Variants in CELA2B observed in about 807,000 individuals in gnomAD.
CELA2B encodes the protein chymotrypsin like elastase 2B.
CELA2B carries 27 observed loss-of-function variants against 36.5 expected under a neutral mutation model. The observed-to-expected ratio is 0.74, with a 90% CI of 0.55 to 1.02. The LOEUF (loss-of-function observed/expected upper bound fraction) is 1.02. Ranked by LOEUF, CELA2B falls within the 50% of genes least tolerant of loss-of-function variation. CELA2B has a pLI of 0.00. For missense variants in CELA2B, 340 were observed against 347.8 expected (o/e 0.98, Z 0.18); for synonymous variants, 143 against 148.5 (o/e 0.96, Z 0.27).
In CELA2B at chr1:15,488,988, T is replaced by C. The variant is rs1313373060; in HGVS notation, c.792+1551T>C. Among the ~76,000 whole-genome samples the C allele has an allele frequency of 2.0e-5, 3 of 152,184 alleles. No homozygotes were observed. In the East Asian group the frequency reaches 5.8e-4, roughly 29 times the overall value. ...AAGACAGTAGCCATTAATCATTAAT[T>C]GGGGCTTTTTATATCTAAATTGGGA... On this transcript the variant is annotated intron_variant, in intron 7 of 7. Transcript: ENST00000375910.
chr1:15,486,106 G>T (rs1708801563), intron 6 of CELA2B, 60 bp downstream of exon 6: 1 of 1,586,100 alleles, frequency 6.3e-7, no homozygotes. Flanking sequence ...GATGGGAAGA[G>T]GCTATGGAAA....
intron 1 of CELA2B, 79 bp downstream of exon 1, chr1:15,476,244 C>T (rs1220188492): frequency 1.8e-5 from 29 of 1,590,850 alleles, no homozygotes; most frequent in Middle Eastern, 1.8e-4. Context: ...CCTCCCCTCT[C>T]GCCCCCACCC....
intron 5 of CELA2B, among the ~76,000 whole-genome samples, chr1:15,485,443 T>C (rs879564735): frequency 7.9e-5 from 12 of 152,144 alleles, no homozygotes; most frequent in Non-Finnish European, 1.8e-4. Flanking sequence ...GTTATAAGGA[T>C]TTAAAAGTTT....
chr1:15,481,683 C>G lies in CELA2B; in HGVS notation c.227+488C>G, dbSNP rs561304252. The G allele has an allele frequency of 4.7e-5, 22 of 471,398 alleles. 1 individual carries two copies. Among genetic ancestry groups the G allele is most frequent in the South Asian group, 3.4e-4 (22 of 64,544 alleles). 29.2% of individuals were successfully genotyped at this position (471,398 alleles called of 1,614,324 possible). On this transcript the variant is annotated intron_variant, in intron 3 of 7. Coordinates refer to ENST00000375910, the MANE Select transcript of CELA2B (RefSeq NM_015849.3). Reference sequence around the variant, plus strand: ...GCCCACAAGGTTCTGCAACGTTGTTCACTTATCCTCTTCTTTGTCCGTGAC... The same window carrying G: ...GCCCACAAGGTTCTGCAACGTTGTTGACTTATCCTCTTCTTTGTCCGTGAC...
chr1:15,484,003 G>A (rs1043249469), intron 5 of CELA2B, among the ~76,000 whole-genome samples: 2 of 152,086 alleles, frequency 1.3e-5, no homozygotes, highest in African/African-American at 4.8e-5. Context: ...TAATCCACAG[G>A]AAGCCTGGCA....
chr1:15,487,431 C>G lies in CELA2B; in HGVS notation c.786C>G (p.Ile262Met). ...FTRVSNYNDWINSVIANN is the reference protein window; with the variant it reads ...FTRVSNYNDWMNSVIANN ...GGGTCTCCAACTACAACGACTGGAT[C>G]AATTCGGTAAGAACCGGAGCAGCCC... The change falls in exon 7 of 8, where the codon ATC becomes ATG. Residue 262 changes from isoleucine (I) to methionine (M), a missense_variant. Transcript: ENST00000375910. 15 of 1,614,242 alleles carry G rather than the reference C, an allele frequency of 9.3e-6. No homozygotes were observed. The highest frequency in any genetic ancestry group is 1.3e-5 in the Non-Finnish European group (15 of 1,180,044).
In CELA2B at chr1:15,487,311, T is replaced by C; in HGVS notation, c.666T>C (p.Cys222=). Residue 222 remains cysteine, a synonymous_variant, in exon 7 of 8, where the codon TGT becomes TGC. Coordinates refer to ENST00000375910, the MANE Select transcript of CELA2B (RefSeq NM_015849.3). ...GAGACTCCGGTGGGCCGCTGAACTG[T>C]CAGGCATCTGACGGCCGGTGGGAGG... ...CNGDSGGPLN[C]QASDGRWEVH... is the part of the protein sequence containing the mutation. 1 of 1,614,250 alleles carries C rather than the reference T, an allele frequency of 6.2e-7. No individual in the cohort carries two copies. The highest frequency in any genetic ancestry group is 8.5e-7 in the Non-Finnish European group (1 of 1,180,034).
chr1:15,476,429 G>C (rs765294081), intron 1 of CELA2B, 28 bp from the exon 2 acceptor site: 1 of 1,608,526 alleles, frequency 6.2e-7, no homozygotes, highest in Non-Finnish European at 8.5e-7. Flanking sequence ...GCTGCTTCCT[G>C]GACTCAAGAC....
chr1:15,489,907 T>C (rs1399436432), intron 7 of CELA2B, among the ~76,000 whole-genome samples: 1 of 152,104 alleles, frequency 6.6e-6, no homozygotes, highest in African/African-American at 2.4e-5. Context: ...GGAGTCTCGC[T>C]CTGTTGCACA....
In CELA2B at chr1:15,483,419, C is replaced by T. The variant is rs1708767009; in HGVS notation, c.493+19C>T. The stretch of plus-strand genomic sequence containing the variant: ...CTGCAGAGTAAGTGGGAGCCAGGAG[C>T]CCCCAGGCCTGGGAGGGAAGGGAGG... On this transcript the variant is annotated intron_variant, in intron 5 of 7. Transcript: ENST00000375910. The T allele has an allele frequency of 3.7e-6, 6 of 1,612,928 alleles. No homozygotes were observed. Among genetic ancestry groups the T allele is most frequent in the Non-Finnish European group, 5.1e-6 (6 of 1,179,274 alleles).
rs1708861183 is a variant in CELA2B, at chr1:15,490,219, C to CCT, written c.793-1076_793-1075insCT. On this transcript the variant is annotated intron_variant, in intron 7 of 7. Transcript: ENST00000375910. ...TGTGTGGTCTTCTCAACTTTATGTG[C>CCT]ATATCTATCTATCTATCTATCTATC... Among the ~76,000 whole-genome samples, 4 of 117,628 alleles carry CCT rather than the reference C, an allele frequency of 3.4e-5. No homozygotes were observed. In the South Asian group the frequency reaches 8.6e-4, roughly 25 times the overall value. The allele number at this position is 117,628 out of a possible 152,430, so 77.2% of individuals were successfully genotyped here.
Position 15,487,446 on chromosome 1 carries a change from C to T in CELA2B, c.792+9C>T, listed in dbSNP as rs537674607. 66 of 1,614,126 alleles carry T rather than the reference C, an allele frequency of 4.1e-5. No individual in the cohort carries two copies. Among genetic ancestry groups the T allele is most frequent in the East Asian group, 4.5e-5 (2 of 44,882 alleles). On this transcript the variant is annotated intron_variant, in intron 7 of 7. Transcript: ENST00000375910. The stretch of plus-strand genomic sequence containing the variant: ...ACGACTGGATCAATTCGGTAAGAAC[C>T]GGAGCAGCCCTGAGCCCCAAGGCAC...
chr1:15,481,632 T>C (rs1708742794), intron 3 of CELA2B: 1 of 474,900 alleles, frequency 2.1e-6, no homozygotes, highest in Non-Finnish European at 4.4e-6. Context: ...TGAAAGCTAA[T>C]TCTGAATTGC....
At chr1:15,486,692 T>C (rs982407213) in intron 6 of CELA2B, among the ~76,000 whole-genome samples, 12 of 152,224 alleles carry the variant, frequency 7.9e-5, no homozygotes, top group African/African-American at 2.9e-4. Flanking sequence ...GGTTTTTCTG[T>C]TGAATTACTC....
intron 3 of CELA2B, chr1:15,481,735 C>G (rs191998836): frequency 8.5e-6 from 4 of 469,600 alleles, no homozygotes; most frequent in African/African-American, 8.0e-5. Context: ...TGGAACTCAC[C>G]GGAGTTTCTG....
At chr1:15,476,918 G>T (rs1366712703) in intron 2 of CELA2B, among the ~76,000 whole-genome samples, 1 of 152,136 alleles carries the variant, frequency 6.6e-6, no homozygotes, top group Non-Finnish European at 1.5e-5. Flanking sequence ...AGAGGCAGAA[G>T]TTGTAGTGAG....
At chr1:15,484,606 A>G (rs1311156297) in intron 5 of CELA2B, among the ~76,000 whole-genome samples, 3 of 152,144 alleles carry the variant, frequency 2.0e-5, no homozygotes, top group Non-Finnish European at 4.4e-5. Flanking sequence ...CATGCTTATT[A>G]AGATACAAGC....
chr1:15,485,733 G>A, intron 5 of CELA2B, 168 bp from the exon 6 acceptor site: 1 of 841,052 alleles, frequency 1.2e-6, no homozygotes, highest in Non-Finnish European at 1.9e-6. Context: ...ATCACCAGTG[G>A]CCAGCACACT....
At position 15,488,789 on chromosome 1, in the gene CELA2B, G is replaced by A. The variant is rs3766162; in HGVS notation, c.792+1352G>A. Among the ~76,000 whole-genome samples the A allele has an allele frequency of 6.0e-3, 916 of 152,314 alleles. 31 individuals carry two copies. The highest frequency in any genetic ancestry group is 0.036 in the Admixed American group (545 of 15,294). On this transcript the variant is annotated intron_variant, in intron 7 of 7. Coordinates refer to ENST00000375910, the MANE Select transcript of CELA2B (RefSeq NM_015849.3). Reference sequence around the variant, plus strand: ...AATATGAAACTGCAGCCATAAGCACGTGGTCAGGGGAGAAAACTAAACTGT... The same window carrying A: ...AATATGAAACTGCAGCCATAAGCACATGGTCAGGGGAGAAAACTAAACTGT...
Sources: gnomAD v4.1 joint callset for allele counts (sites outside exome capture counted in the v4.1 genomes callset) on GRCh38, gnomAD v4.1.1 for gene constraint, MANE v1.5 for transcripts, NCBI Gene and HGNC (gene_info 2026-07-23, HGNC 2026-07-21) for gene names.